AGBL1: variants seen among roughly 807,000 people sequenced by gnomAD.
AGBL1 encodes the protein AGBL carboxypeptidase 1.
Under a neutral mutation model 118.9 loss-of-function variants are expected in AGBL1, and 130 were observed. That is an observed-to-expected ratio of 1.09 (90% CI 0.95 to 1.26). The LOEUF (loss-of-function observed/expected upper bound fraction) is 1.26. Ranked by LOEUF, AGBL1 falls within the 50% of genes most tolerant of loss-of-function variation. The pLI, the probability that AGBL1 is intolerant of heterozygous loss-of-function variation, is 0.00. For missense variants in AGBL1, 1,584 were observed against 1,298.1 expected, an observed-to-expected ratio of 1.22 and a Z score of -3.38; for synonymous variants, 555 against 478.9, an observed-to-expected ratio of 1.16 and a Z score of -2.08.
intron 5 of AGBL1, among the ~76,000 whole-genome samples, chr15:86,200,010 T>G (rs2077878037): frequency 6.6e-6 from 1 of 152,222 alleles, no homozygotes; most frequent in Non-Finnish European, 1.5e-5. Context: ...TGTTTACCAT[T>G]GGGGATTGAA....
chr15:86,886,756 C>G (rs1377979469), intron 22 of AGBL1, among the ~76,000 whole-genome samples: 1 of 152,116 alleles, frequency 6.6e-6, no homozygotes, highest in African/African-American at 2.4e-5. Context: ...GGCATTCCAG[C>G]TAGAGTCAGC....
chr15:86,656,180 G>C (rs536939947), intron 21 of AGBL1, among the ~76,000 whole-genome samples: 3 of 152,266 alleles, frequency 2.0e-5, no homozygotes, highest in East Asian at 3.9e-4. Context: ...TGATTTATAG[G>C]AAGTCTTTAT....
chr15:86,742,359 G>A (rs1037577144), intron 22 of AGBL1, among the ~76,000 whole-genome samples: 5 of 152,132 alleles, frequency 3.3e-5, no homozygotes, highest in African/African-American at 1.2e-4. Flanking sequence ...GAGTCCCTTT[G>A]TCAAGAAATA....
intron 22 of AGBL1, among the ~76,000 whole-genome samples, chr15:86,817,477 C>CACAT (rs1043114251): frequency 1.3e-5 from 2 of 149,388 alleles, no homozygotes; most frequent in Admixed American, 6.7e-5. Context: ...CACACACACA[C>CACAT]ACACACACAC....
Position 86,827,485 on chromosome 15 carries a change from GTGTGT to G in AGBL1, c.3159-79601_3159-79597del. On this transcript the variant is annotated intron_variant, in intron 22 of 22. Transcript: ENST00000614907. ...TATATATATACATATATATATATAT[GTGTGT>G]ATATATATATATATATATATATATA... 7.8e-4 allele frequency among the ~76,000 whole-genome samples: 3 copies of G among 3,870 alleles called. 1 individual carries two copies. Among genetic ancestry groups the G allele is most frequent in the African/African-American group, 2.5e-3 (3 of 1,188 alleles). The allele number at this position is 3,870 out of a possible 152,430, so 2.5% of individuals were successfully genotyped here.
intron 21 of AGBL1, among the ~76,000 whole-genome samples, chr15:86,583,698 A>T (rs916169632): frequency 6.6e-6 from 1 of 152,128 alleles, no homozygotes; most frequent in East Asian, 1.9e-4. Flanking sequence ...TCTTTTGAGT[A>T]TGTACCCAGT....
chr15:86,237,892 C>T (rs145691520), intron 6 of AGBL1, among the ~76,000 whole-genome samples: 2 of 152,332 alleles, frequency 1.3e-5, no homozygotes, highest in Non-Finnish European at 2.9e-5. Flanking sequence ...TCTGCTACTA[C>T]TGTCCCCTTG....
intron 17 of AGBL1, among the ~76,000 whole-genome samples, chr15:86,362,815 A>G (rs1303851740): frequency 6.6e-6 from 1 of 152,150 alleles, no homozygotes; most frequent in African/African-American, 2.4e-5. Context: ...TGCTACCAAG[A>G]GTTGAGGTGG....
intron 19 of AGBL1, among the ~76,000 whole-genome samples, chr15:86,526,542 GTGTATATA>G (rs2083264621): frequency 2.4e-5 from 1 of 41,438 alleles, no homozygotes; most frequent in African/African-American, 6.5e-5. Context: ...GTTTGTGTCT[GTGTATATA>G]TATATATATA....
At chr15:86,950,413 C>T (rs561269211) in intron 23 of AGBL1, among the ~76,000 whole-genome samples, 2 of 150,482 alleles carry the variant, frequency 1.3e-5, no homozygotes, top group African/African-American at 4.8e-5. Context: ...ATACTCATAT[C>T]AGGAGTAGTA....
intron 5 of AGBL1, among the ~76,000 whole-genome samples, chr15:86,163,779 T>TA (rs539429306): frequency 4.3e-4 from 66 of 152,210 alleles, no homozygotes; most frequent in African/African-American, 1.3e-3. Context: ...AGAAATATTT[T>TA]AAAAAAAATT....
At chr15:86,670,235 C>T (rs2085717049) in intron 21 of AGBL1, among the ~76,000 whole-genome samples, 2 of 152,094 alleles carry the variant, frequency 1.3e-5, no homozygotes, top group South Asian at 2.1e-4. Context: ...CTGAAGGTCT[C>T]GATTAATTTA....
Position 86,870,454 on chromosome 15 carries a change from C to CAAAAAAAAAAAAAAAAAAA in AGBL1, c.3159-36609_3159-36591dup, listed in dbSNP as rs770556494. ...GGCAAGAAAAAAGTAAAGCATACTG[C>CAAAAAAAAAAAAAAAAAAA]AAAAAAAAAAAAAAAAAAAAAAAAA... On this transcript the variant is annotated intron_variant, in intron 22 of 22. Coordinates refer to ENST00000614907, the MANE Select transcript of AGBL1 (RefSeq NM_001386094.1). 5.0e-4 allele frequency among the ~76,000 whole-genome samples: 32 copies of CAAAAAAAAAAAAAAAAAAA among 64,120 alleles called. 2 individuals are homozygous for CAAAAAAAAAAAAAAAAAAA. The highest frequency in any genetic ancestry group is 6.8e-4 in the South Asian group (1 of 1,472). The allele number at this position is 64,120 out of a possible 152,430, so 42.1% of individuals were successfully genotyped here.
chr15:86,158,445 G>A (rs8026101), intron 4 of AGBL1, among the ~76,000 whole-genome samples: 14 of 152,178 alleles, frequency 9.2e-5, no homozygotes, highest in African/African-American at 3.4e-4. Context: ...ACAGACGAGA[G>A]TGTCTGTGGA....
intron 1 of AGBL1, among the ~76,000 whole-genome samples, chr15:86,136,933 T>C (rs981997749): frequency 6.6e-6 from 1 of 152,174 alleles, no homozygotes; most frequent in Admixed American, 6.5e-5. Flanking sequence ...GAAAGCTTGG[T>C]AGATACATTT....
At chr15:86,281,414 G>GA (rs936409734) in intron 16 of AGBL1, among the ~76,000 whole-genome samples, 11 of 150,958 alleles carry the variant, frequency 7.3e-5, no homozygotes, top group Non-Finnish European at 3.0e-5. Flanking sequence ...AACCAGAAAA[G>GA]AAAAAAAAAG....
intron 21 of AGBL1, among the ~76,000 whole-genome samples, chr15:86,561,567 T>G (rs974444260): frequency 7.2e-5 from 11 of 152,320 alleles, no homozygotes; most frequent in Non-Finnish European, 1.3e-4. Context: ...CCTTGTAGTA[T>G]AGTTTGAAGT....
chr15:86,865,192 T>C (rs1443207965), intron 22 of AGBL1, among the ~76,000 whole-genome samples: 1 of 152,208 alleles, frequency 6.6e-6, no homozygotes, highest in Non-Finnish European at 1.5e-5. Context: ...GTTTAGGAAA[T>C]GCTTGCAGAT....
At chr15:86,314,655 A>C (rs2079971426) in intron 17 of AGBL1, among the ~76,000 whole-genome samples, 1 of 151,932 alleles carries the variant, frequency 6.6e-6, no homozygotes, top group South Asian at 2.1e-4. Flanking sequence ...GGAACCCTTC[A>C]CTCAGGAATG....
Sources: allele counts gnomAD v4.1 joint callset (sites outside exome capture counted in the v4.1 genomes callset), GRCh38; gene constraint gnomAD v4.1.1; transcripts MANE v1.5; gene names NCBI Gene and HGNC (gene_info 2026-07-23, HGNC 2026-07-21).